Variants in SPON2 observed in about 807,000 individuals in gnomAD.
SPON2 encodes spondin 2.
In SPON2, 32 loss-of-function variants were observed where a neutral mutation model predicts 29.9. That is an observed-to-expected ratio of 1.07 (90% CI 0.81 to 1.44). SPON2 has a LOEUF of 1.44. SPON2 is among the 40% of genes most tolerant of loss of function. SPON2 has a pLI of 0.00. For synonymous variants in SPON2, 248 were observed against 209.1 expected (o/e 1.19, Z -1.61); for missense variants, 541 against 455.5 (o/e 1.19, Z -1.71).
At chr4:1,179,655 G>C (rs1340156927) in intron 1 of SPON2, 3 of 152,200 alleles carry the variant, frequency 2.0e-5, no homozygotes, top group African/African-American at 2.4e-5. Context: ...ATCTTGGTAA[G>C]AACAGCATGC....
At chr4:1,173,452 G>A (rs150848350), upstream of SPON2, among the ~76,000 whole-genome samples, 323 of 152,310 alleles carry the variant, frequency 2.1e-3, 1 homozygote, top group African/African-American at 7.6e-3. Flanking sequence ...CGGTGTGTGC[G>A]GTGCAGAGCC....
At position 1,170,587 on chromosome 4, in the gene SPON2, A is replaced by G. The variant is rs760254893; in HGVS notation, c.637-11T>C. On this transcript the variant is annotated splice_polypyrimidine_tract_variant and intron_variant, in intron 4 of 5. Coordinates refer to ENST00000290902, the MANE Select transcript of SPON2 (RefSeq NM_012445.4). ...AGAGGAGGACGTTATCTGGGGAGGA[A>G]GAAGAGGAGGTTGGCCTGGGGTCCG... 22 of 1,601,538 alleles carry G rather than the reference A, an allele frequency of 1.4e-5. No individual in the cohort carries two copies. Among genetic ancestry groups the G allele is most frequent in the Non-Finnish European group, 1.7e-5 (20 of 1,175,624 alleles).
intron 1 of SPON2, among the ~76,000 whole-genome samples, chr4:1,186,951 T>G (rs1727818029): frequency 6.6e-6 from 1 of 152,236 alleles, no homozygotes; most frequent in South Asian, 2.1e-4. Context: ...ACACAGTTCC[T>G]ATGAAAAACA....
intron 1 of SPON2, among the ~76,000 whole-genome samples, chr4:1,186,141 G>A (rs1727798345): frequency 1.3e-5 from 2 of 151,428 alleles, no homozygotes; most frequent in Non-Finnish European, 2.9e-5. Flanking sequence ...CTACTCAGGA[G>A]GCTGAGGCAG....
intron 1 of SPON2, among the ~76,000 whole-genome samples, chr4:1,183,977 C>T (rs1044635691): frequency 6.6e-6 from 1 of 152,160 alleles, no homozygotes; most frequent in African/African-American, 2.4e-5. Flanking sequence ...GATTATTTAT[C>T]TATTTTGTTA....
At chr4:1,201,216 AAG>A (rs755764411) in intron 1 of SPON2, 10 of 431,944 alleles carry the variant, frequency 2.3e-5, no homozygotes, top group South Asian at 1.1e-4. Flanking sequence ...GGCAGTGACA[AAG>A]AGGGGGTGGG....
At chr4:1,206,943 GGGGGCAGGTGT>G (rs1464356775) in intron 1 of SPON2, among the ~76,000 whole-genome samples, 55 of 151,608 alleles carry the variant, frequency 3.6e-4, no homozygotes, top group East Asian at 1.4e-3. Context: ...AAGAGGCAGT[GGGGGCAGGTGT>G]GGGGCAGGTG....
At chr4:1,170,857 C>T (rs1468344215) in intron 4 of SPON2, 142 bp downstream of exon 4, 2 of 1,231,728 alleles carry the variant, frequency 1.6e-6, no homozygotes, top group Admixed American at 4.0e-5. Flanking sequence ...TTGCTCACTG[C>T]TGGCGCTAGA....
chr4:1,167,758 A>G, intron 5 of SPON2, 102 bp from the exon 6 acceptor site: 2 of 1,313,930 alleles, frequency 1.5e-6, no homozygotes, highest in Non-Finnish European at 2.1e-6. Flanking sequence ...ATCAGAGGCC[A>G]CGCCCACCCT....
At chr4:1,192,581 G>C (rs1413215174) in intron 1 of SPON2, among the ~76,000 whole-genome samples, 7 of 152,196 alleles carry the variant, frequency 4.6e-5, no homozygotes, top group Non-Finnish European at 1.5e-5. Context: ...AGCGGGAGCA[G>C]CACAGAGCAG....
chr4:1,207,353 A>C (rs1037443090), intron 1 of SPON2, among the ~76,000 whole-genome samples: 1 of 152,096 alleles, frequency 6.6e-6, no homozygotes, highest in Non-Finnish European at 1.5e-5. Context: ...GCGTCCCCAC[A>C]GTGGGCACCC....
At chr4:1,185,983 G>A (rs13107592) in intron 1 of SPON2, among the ~76,000 whole-genome samples, 47 of 151,838 alleles carry the variant, frequency 3.1e-4, no homozygotes, top group East Asian at 3.0e-3. Context: ...GGTGGCTCAC[G>A]CCTGTAATCC....
chr4:1,175,663 CGG>C (rs930310104), upstream of SPON2, among the ~76,000 whole-genome samples: 4 of 142,638 alleles, frequency 2.8e-5, no homozygotes, highest in Non-Finnish European at 1.5e-5. Context: ...GCCCAGGCCT[CGG>C]GGGCTTCAGC....
At chr4:1,185,993 C>A (rs1206688942) in intron 1 of SPON2, among the ~76,000 whole-genome samples, 2 of 151,542 alleles carry the variant, frequency 1.3e-5, no homozygotes, top group Non-Finnish European at 2.9e-5. Flanking sequence ...GCCTGTAATC[C>A]CAGCACTTTG....
intron 5 of SPON2, chr4:1,169,963 A>G (rs1157873075): frequency 2.8e-5 from 5 of 181,164 alleles, no homozygotes; most frequent in Non-Finnish European, 4.5e-5. Flanking sequence ...GCCCCGCCCC[A>G]GGCCAAGGCG....
intron 1 of SPON2, among the ~76,000 whole-genome samples, chr4:1,192,638 AG>A (rs1033519745): frequency 4.6e-5 from 7 of 152,202 alleles, no homozygotes; most frequent in Non-Finnish European, 1.5e-5. Context: ...GCAAACAAAG[AG>A]GGACCTGCCT....
At chr4:1,186,011 G>T (rs11247976) in intron 1 of SPON2, among the ~76,000 whole-genome samples, 2 of 149,748 alleles carry the variant, frequency 1.3e-5, no homozygotes, top group Non-Finnish European at 3.0e-5. Context: ...TTGGGAGGCC[G>T]AGGCGGGCGG....
At chr4:1,189,655 A>AAAAG (rs1553831573) in intron 1 of SPON2, among the ~76,000 whole-genome samples, 79 of 145,644 alleles carry the variant, frequency 5.4e-4, no homozygotes, top group African/African-American at 9.9e-4. Flanking sequence ...AAAAAAAAAA[A>AAAAG]AAAGAAAGAA....
Position 1,170,983 on chromosome 4 carries a change from CG to C in SPON2, c.636+15del. On this transcript the variant is annotated intron_variant, in intron 4 of 5. Transcript: ENST00000290902. Reference sequence around the variant, plus strand: ...GGGGCCATAGCGGCCCTTGCGCACGCGGGGTGCCCACTCACCTCGGTCACCG... The same window carrying C: ...GGGGCCATAGCGGCCCTTGCGCACGCGGGTGCCCACTCACCTCGGTCACCG... 6.5e-7 allele frequency: 1 copy of C among 1,546,528 alleles called. No individual in the cohort carries two copies. Among genetic ancestry groups the C allele is most frequent in the Non-Finnish European group, 8.7e-7 (1 of 1,144,348 alleles).
Sources: allele counts gnomAD v4.1 joint callset (sites outside exome capture counted in the v4.1 genomes callset), GRCh38; gene constraint gnomAD v4.1.1; transcripts MANE v1.5; gene names NCBI Gene and HGNC (gene_info 2026-07-23, HGNC 2026-07-21).